ZNF141: variants seen among roughly 807,000 people sequenced by gnomAD.
The protein encoded by ZNF141 is zinc finger protein 141 (clone pHZ-44).
In ZNF141, 7 loss-of-function variants were observed where a neutral mutation model predicts 11.3. The ratio of observed to expected loss-of-function variants is 0.62; its 90% confidence interval spans 0.35 to 1.16. The LOEUF (loss-of-function observed/expected upper bound fraction) is 1.16, where lower values mean the gene tolerates loss of function less well. Among genes scored for constraint, ZNF141 ranks in the 50% most tolerant of loss-of-function variants. ZNF141 has a pLI of 0.02. For missense variants in ZNF141, 535 were observed against 554.0 expected (o/e 0.97, Z 0.34); for synonymous variants, 183 against 190.7 (o/e 0.96, Z 0.33).
chr4:369,764 A>ATATATATATTTTTT, intron 3 of ZNF141, among the ~76,000 whole-genome samples: 1 of 48,724 alleles, frequency 2.1e-5, no homozygotes, highest in Non-Finnish European at 3.1e-5. Context: ...ATATATATAT[A>ATATATATATTTTTT]TTTTTTTTTT....
In ZNF141 at chr4:343,859, T is replaced by C. The variant is rs2108684058; in HGVS notation, c.81T>C (p.Asn27=). 1.2e-6 allele frequency: 2 copies of C among 1,611,330 alleles called. No homozygotes were observed. The highest frequency in any genetic ancestry group is 2.2e-5 in the East Asian group (1 of 44,820). The change falls in exon 2 of 4, where the codon AAT becomes AAC. Residue 27 remains asparagine, a synonymous_variant. Coordinates refer to ENST00000240499, the MANE Select transcript of ZNF141 (RefSeq NM_003441.4). ...EWKCLDPDQQ[N]LYRDVMLENY... ...AATGCCTGGACCCTGACCAGCAGAA[T>C]TTGTATAGAGATGTGATGTTGGAGA...
At chr4:345,968 A>T (rs1721302262) in intron 3 of ZNF141, among the ~76,000 whole-genome samples, 1 of 152,136 alleles carries the variant, frequency 6.6e-6, no homozygotes, top group Non-Finnish European at 1.5e-5. Flanking sequence ...CTTATTTGTT[A>T]ATAGCTATTA....
rs147208768 is a variant in ZNF141 at position 384,085 on chromosome 4, T to C, written c.*10223T>C. On this transcript the variant is annotated 3_prime_UTR_variant, in exon 4 of 4. Transcript: ENST00000240499. ...TTCCTTCTGGTAACAGAAGTGCAGGTATATGTGGATGCATGTGATTGGTAC... is the reference window on the plus strand; with the variant it reads ...TTCCTTCTGGTAACAGAAGTGCAGGCATATGTGGATGCATGTGATTGGTAC... 6.6e-6 allele frequency: 1 copy of C among 152,294 alleles called. No homozygotes were observed. The highest frequency in any genetic ancestry group is 1.9e-4 in the East Asian group (1 of 5,172). The allele number at this position is 152,294 out of a possible 1,614,324, so 9.4% of individuals were successfully genotyped here.
intron 3 of ZNF141, among the ~76,000 whole-genome samples, chr4:353,460 A>ATTTTT (rs1203936122): frequency 1.6e-5 from 2 of 122,882 alleles, no homozygotes; most frequent in African/African-American, 3.4e-5. Flanking sequence ...TATTATTATT[A>ATTTTT]TTATTATTTT....
At chr4:369,184 C>G (rs1711903086) in intron 3 of ZNF141, among the ~76,000 whole-genome samples, 1 of 152,122 alleles carries the variant, frequency 6.6e-6, no homozygotes, top group East Asian at 1.9e-4. Flanking sequence ...CACTCACACA[C>G]ACACATTAAT....
intron 3 of ZNF141, chr4:350,218 G>A (rs1553850225): frequency 1.9e-6 from 1 of 534,712 alleles, no homozygotes; most frequent in Non-Finnish European, 3.8e-6. Context: ...ATGGGCTCTT[G>A]AGTTGGCCAT....
At chr4:349,758 G>A (rs1017279355) in intron 3 of ZNF141, among the ~76,000 whole-genome samples, 2 of 152,056 alleles carry the variant, frequency 1.3e-5, no homozygotes, top group African/African-American at 4.8e-5. Context: ...CCAGAGATTT[G>A]GACAGTCATG....
intron 2 of ZNF141, 86 bp downstream of exon 2, chr4:343,994 G>T: frequency 6.6e-7 from 1 of 1,525,370 alleles, no homozygotes; most frequent in South Asian, 1.3e-5. Flanking sequence ...GAACTTTTAT[G>T]TTTTATCTTT....
chr4:369,064 G>T (rs1041387795), intron 3 of ZNF141, among the ~76,000 whole-genome samples: 7 of 151,994 alleles, frequency 4.6e-5, no homozygotes, highest in Non-Finnish European at 1.0e-4. Flanking sequence ...AGAAATTGGG[G>T]TATTGAAATA....
At chr4:355,671 T>G (rs1553851121) in intron 3 of ZNF141, among the ~76,000 whole-genome samples, 1 of 152,220 alleles carries the variant, frequency 6.6e-6, no homozygotes, top group East Asian at 1.9e-4. Context: ...TATTGTTGAT[T>G]TTTAAAATCG....
chr4:343,301 C>CT, intron 1 of ZNF141, among the ~76,000 whole-genome samples: 1 of 152,226 alleles, frequency 6.6e-6, no homozygotes, highest in African/African-American at 2.4e-5. Flanking sequence ...GAATGCCATC[C>CT]TTTTTCTGCA....
At chr4:351,542 C>A (rs893213957) in intron 3 of ZNF141, among the ~76,000 whole-genome samples, 20 of 152,298 alleles carry the variant, frequency 1.3e-4, no homozygotes, top group Non-Finnish European at 2.4e-4. Flanking sequence ...ATTTATACTT[C>A]CATATACTTG....
chr4:379,897 T>C lies in ZNF141; in HGVS notation c.*6035T>C, dbSNP rs182485886. Among the ~76,000 whole-genome samples, 59 of 152,340 alleles carry C rather than the reference T, an allele frequency of 3.9e-4. No homozygotes were observed. Among genetic ancestry groups the C allele is most frequent in the African/African-American group, 1.4e-3 (57 of 41,584 alleles). On this transcript the variant is annotated 3_prime_UTR_variant, in exon 4 of 4. Coordinates refer to ENST00000240499, the MANE Select transcript of ZNF141 (RefSeq NM_003441.4). ...TTAACAAATACTTCACCACACATAA[T>C]TACTTTTGGGATAAGAGCTCATAAC...
rs182747930 is a variant in ZNF141 at position 384,274 on chromosome 4, C to T, written c.*10412C>T. ...TGTGAGGAGATCTGAAGACATGGTG[C>T]TCTCTCTTCCTGTGGACCCATCATT... On this transcript the variant is annotated 3_prime_UTR_variant, in exon 4 of 4. Transcript: ENST00000240499. The T allele has an allele frequency of 6.6e-6, 1 of 152,220 alleles. No individual in the cohort carries two copies. Among genetic ancestry groups the T allele is most frequent in the Non-Finnish European group, 1.5e-5 (1 of 68,060 alleles). 9.4% of individuals were successfully genotyped at this position (152,220 alleles called of 1,614,324 possible). A position where few individuals can be genotyped will look rare whatever the true frequency, so the allele number is the denominator to read the frequency against.
chr4:356,230 CA>C (rs111839333), intron 3 of ZNF141, among the ~76,000 whole-genome samples: 52,329 of 116,218 alleles, frequency 0.45, 9,987 homozygotes, highest in African/African-American at 0.56. Context: ...GGCTCCGTCT[CA>C]AAAAAAAAAA....
At chr4:356,144 T>C (rs2108703407) in intron 3 of ZNF141, among the ~76,000 whole-genome samples, 1 of 148,854 alleles carries the variant, frequency 6.7e-6, no homozygotes, top group Admixed American at 6.7e-5. Context: ...GGCAGGAGAA[T>C]CTCTTGAACC....
Position 373,745 on chromosome 4 carries a change from G to T in ZNF141, c.1308G>T (p.Ser436=), listed in dbSNP as rs548796588. The change falls in exon 4 of 4, where the codon TCG becomes TCT. Residue 436 remains serine (S), a synonymous_variant. Transcript: ENST00000240499. Reference sequence around the variant, plus strand: ...GTGACAAAGCCTTTAAACAATTTTCGCTCCTGAGTCAACATAAGAAAATTC... The same window carrying T: ...GTGACAAAGCCTTTAAACAATTTTCTCTCCTGAGTCAACATAAGAAAATTC... ...KECDKAFKQF[S]LLSQHKKIHT... is the part of the protein sequence containing the mutation. 30 of 1,613,630 alleles carry T rather than the reference G, an allele frequency of 1.9e-5. No individual in the cohort carries two copies. Among genetic ancestry groups the T allele is most frequent in the Non-Finnish European group, 2.5e-5 (29 of 1,179,930 alleles).
intron 3 of ZNF141, among the ~76,000 whole-genome samples, chr4:352,648 G>A (rs138851289): frequency 2.6e-5 from 4 of 152,182 alleles, no homozygotes; most frequent in Non-Finnish European, 5.9e-5. Context: ...CGTTTCTTGC[G>A]GATCACAAAG....
Position 374,714 on chromosome 4 carries a change from T to C in ZNF141, c.*852T>C, listed in dbSNP as rs540077363. ...GAAATGTAAAAGATGTGACAAAACC[T>C]TTAAGCCATACTCCAGGCTTCTTAA... On this transcript the variant is annotated 3_prime_UTR_variant, in exon 4 of 4. Transcript: ENST00000240499. 1 of 154,054 alleles carries C rather than the reference T, an allele frequency of 6.5e-6. No homozygotes were observed. The highest frequency in any genetic ancestry group is 6.5e-5 in the Admixed American group (1 of 15,370). The allele number at this position is 154,054 out of a possible 1,614,324, so 9.5% of individuals were successfully genotyped here.
Sources: allele counts gnomAD v4.1 joint callset (sites outside exome capture counted in the v4.1 genomes callset), GRCh38; gene constraint gnomAD v4.1.1; transcripts MANE v1.5; gene names NCBI Gene and HGNC (gene_info 2026-07-23, HGNC 2026-07-21).